GPATCH2: variants seen among roughly 807,000 people sequenced by gnomAD.
GPATCH2 encodes the protein G patch domain-containing protein 2.
A neutral mutation model predicts 58.0 loss-of-function variants in GPATCH2; 51 were observed. The observed-to-expected ratio is 0.88, with a 90% CI of 0.70 to 1.11. The LOEUF is 1.11. Ranked by LOEUF, GPATCH2 falls within the 50% of genes most tolerant of loss-of-function variation. GPATCH2 has a pLI of 0.00. For synonymous variants in GPATCH2, 222 were observed against 218.5 expected, an observed-to-expected ratio of 1.02 and a Z score of -0.14; for missense variants, 625 against 652.2, an observed-to-expected ratio of 0.96 and a Z score of 0.45.
intron 8 of GPATCH2, among the ~76,000 whole-genome samples, chr1:217,483,293 T>C (rs1283591494): frequency 6.6e-6 from 1 of 152,168 alleles, no homozygotes; most frequent in Non-Finnish European, 1.5e-5. Flanking sequence ...CAAGCAATCC[T>C]CCTACCTTGG....
At chr1:217,607,621 T>C (rs1383293281) in intron 5 of GPATCH2, among the ~76,000 whole-genome samples, 1 of 152,170 alleles carries the variant, frequency 6.6e-6, no homozygotes, top group Non-Finnish European at 1.5e-5. Context: ...TATTGATCAG[T>C]TGGTGAAAAT....
At chr1:217,511,613 G>A (rs1316187613) in intron 6 of GPATCH2, among the ~76,000 whole-genome samples, 1 of 152,182 alleles carries the variant, frequency 6.6e-6, no homozygotes, top group Non-Finnish European at 1.5e-5. Flanking sequence ...AGTTGGGGAA[G>A]CATATAACTA....
chr1:217,614,168 A>G lies in GPATCH2; in HGVS notation c.808T>C (p.Leu270=). The G allele has an allele frequency of 6.3e-7, 1 of 1,587,380 alleles. No homozygotes were observed. The highest frequency in any genetic ancestry group is 8.7e-7 in the Non-Finnish European group (1 of 1,155,848). ...SSSLSSTDAG[L]FTNDEGRQGD... ...TGTCTTCCCTCATCATTGGTAAACA[A>G]TCCAGCATCAGTGCTGCTGAGACTG... Residue 270 remains leucine (L), a synonymous_variant, in exon 3 of 10, where the codon TTG becomes CTG. Coordinates refer to ENST00000366935, the MANE Select transcript of GPATCH2 (RefSeq NM_018040.5).
intron 5 of GPATCH2, among the ~76,000 whole-genome samples, chr1:217,603,979 A>G (rs1668236304): frequency 6.6e-6 from 1 of 152,136 alleles, no homozygotes; most frequent in Non-Finnish European, 1.5e-5. Context: ...TGTAAAAGAA[A>G]TATTTATTAT....
chr1:217,580,458 T>C (rs1667017383), intron 5 of GPATCH2, among the ~76,000 whole-genome samples: 1 of 152,152 alleles, frequency 6.6e-6, no homozygotes, highest in Non-Finnish European at 1.5e-5. Flanking sequence ...CAAATCTGTA[T>C]CAAACAAGAA....
At chr1:217,524,100 G>A (rs181979819) in intron 5 of GPATCH2, among the ~76,000 whole-genome samples, 3,904 of 151,224 alleles carry the variant, frequency 0.026, 97 homozygotes, top group East Asian at 0.074. Context: ...CTCCCTCCCA[G>A]ACGGGGTGGC....
rs115253870 is a variant in GPATCH2 at position 217,494,855 on chromosome 1, C to T, written c.1207-3105G>A. Among the ~76,000 whole-genome samples, 1,346 of 151,956 alleles carry T rather than the reference C, an allele frequency of 8.9e-3. 15 individuals are homozygous for T. The highest frequency in any genetic ancestry group is 0.031 in the African/African-American group (1,273 of 41,400). On this transcript the variant is annotated intron_variant, in intron 7 of 9. Transcript: ENST00000366935. ...ATAAGCAAGAGCAGCTCAAAAGACT[C>T]TGAAAATTTTTTCATTCTTCTTCTT...
intron 9 of GPATCH2, among the ~76,000 whole-genome samples, chr1:217,442,614 C>G (rs1659196824): frequency 1.4e-5 from 2 of 147,414 alleles, no homozygotes; most frequent in South Asian, 2.1e-4. Context: ...TAAATCTAAA[C>G]AAGCATAGCA....
chr1:217,564,989 G>A (rs1218357828), intron 5 of GPATCH2, among the ~76,000 whole-genome samples: 1 of 152,186 alleles, frequency 6.6e-6, no homozygotes, highest in African/African-American at 2.4e-5. Context: ...TGAAAAAGAA[G>A]AAGCAGAATG....
At chr1:217,625,509 T>A (rs1388980948) in intron 1 of GPATCH2, among the ~76,000 whole-genome samples, 2 of 152,170 alleles carry the variant, frequency 1.3e-5, no homozygotes, top group East Asian at 3.8e-4. Context: ...GTCAACTATT[T>A]TTACAATGAC....
At chr1:217,521,794 T>A (rs909058754) in intron 5 of GPATCH2, among the ~76,000 whole-genome samples, 5 of 149,884 alleles carry the variant, frequency 3.3e-5, no homozygotes, top group African/African-American at 1.2e-4. Flanking sequence ...AGGTTTTGTT[T>A]AAAAAAAAAA....
chr1:217,468,250 CAAAT>C (rs1660550750), intron 8 of GPATCH2, among the ~76,000 whole-genome samples: 1 of 152,034 alleles, frequency 6.6e-6, no homozygotes, highest in African/African-American at 2.4e-5. Flanking sequence ...ATCATCATGG[CAAAT>C]AAATCACGGA....
At chr1:217,629,833 T>C (rs1003962629) in intron 1 of GPATCH2, among the ~76,000 whole-genome samples, 5 of 152,236 alleles carry the variant, frequency 3.3e-5, no homozygotes, top group African/African-American at 9.6e-5. Context: ...ATATTCACTA[T>C]AAAATTAACT....
At chr1:217,601,980 G>A in intron 5 of GPATCH2, among the ~76,000 whole-genome samples, 1 of 152,140 alleles carries the variant, frequency 6.6e-6, no homozygotes, top group East Asian at 1.9e-4. Flanking sequence ...TCATGCAAGA[G>A]TTGATCAGAA....
intron 8 of GPATCH2, among the ~76,000 whole-genome samples, chr1:217,472,296 C>CTTTTTTTT (rs11326840): frequency 6.7e-5 from 6 of 90,020 alleles, no homozygotes; most frequent in African/African-American, 9.2e-5. Flanking sequence ...TTTCAACAGA[C>CTTTTTTTT]TTTTTTTTTT....
rs562734270 is a variant in GPATCH2, at chr1:217,456,054, C to G, written c.1278-6717G>C. On this transcript the variant is annotated intron_variant, in intron 8 of 9. Transcript: ENST00000366935. ...GCTCCCCATCCATCTCACTGAAAGC[C>G]ATCTCCACCACTCAATAAAAGCCCG... is the stretch of plus-strand genomic sequence containing the variant. 2.0e-5 allele frequency among the ~76,000 whole-genome samples: 3 copies of G among 152,224 alleles called. No individual in the cohort carries two copies. In the East Asian group the frequency reaches 5.8e-4, roughly 30 times the overall value.
intron 6 of GPATCH2, among the ~76,000 whole-genome samples, chr1:217,501,299 A>G (rs1472274056): frequency 6.6e-6 from 1 of 152,178 alleles, no homozygotes; most frequent in Non-Finnish European, 1.5e-5. Flanking sequence ...AATTCTGAGC[A>G]GTATTCCATT....
intron 5 of GPATCH2, among the ~76,000 whole-genome samples, chr1:217,560,253 T>C (rs1359274625): frequency 1.3e-5 from 2 of 152,182 alleles, no homozygotes; most frequent in Non-Finnish European, 2.9e-5. Context: ...ACATCCACCT[T>C]GTGAGTGCAT....
chr1:217,561,756 T>G (rs1429888465), intron 5 of GPATCH2, among the ~76,000 whole-genome samples: 1 of 152,158 alleles, frequency 6.6e-6, no homozygotes, highest in Non-Finnish European at 1.5e-5. Flanking sequence ...TTTCATCCCT[T>G]GACAAGTGCA....
Sources: gnomAD v4.1 joint callset for allele counts (sites outside exome capture counted in the v4.1 genomes callset) on GRCh38, gnomAD v4.1.1 for gene constraint, MANE v1.5 for transcripts, NCBI Gene and HGNC (gene_info 2026-07-23, HGNC 2026-07-21) for gene names.